The following FAF1 variants were observed in gnomAD, a reference collection of about 807,000 sequenced individuals.
FAF1 encodes the protein FAS-associated factor 1.
A neutral mutation model predicts 92.5 loss-of-function variants in FAF1; 25 were observed. The observed-to-expected ratio is 0.27, with a 90% CI of 0.20 to 0.38. The LOEUF (loss-of-function observed/expected upper bound fraction) is 0.38. Among genes scored for constraint, FAF1 ranks in the 10% least tolerant of loss-of-function variants. The probability of loss-of-function intolerance (pLI) is 1.00; values close to 1 mark genes in which losing one functional copy is unlikely to be tolerated. For synonymous variants in FAF1, 234 were observed against 273.2 expected (o/e 0.86, Z 1.42); for missense variants, 636 against 793.3 (o/e 0.80, Z 2.38).
chr1:50,676,073 C>G (rs549705043), intron 7 of FAF1, among the ~76,000 whole-genome samples: 2 of 152,304 alleles, frequency 1.3e-5, no homozygotes, highest in South Asian at 4.1e-4. Context: ...TTCCTCCAAC[C>G]AAGTCTTAAT....
At chr1:50,524,157 ATTT>A (rs1647664457) in intron 15 of FAF1, among the ~76,000 whole-genome samples, 1 of 151,726 alleles carries the variant, frequency 6.6e-6, no homozygotes, top group African/African-American at 2.4e-5. Flanking sequence ...TGATGCTGTG[ATTT>A]TTATTCATAT....
chr1:50,527,285 C>T lies in FAF1; in HGVS notation c.1494+8084G>A, dbSNP rs367774505. ...CATGTGCTATTGGCCACTTGTATAT[C>T]GTCCTTGGAGAAATATCTTTTCGAA... On this transcript the variant is annotated intron_variant, in intron 15 of 18. Transcript: ENST00000396153. 5.9e-5 allele frequency among the ~76,000 whole-genome samples: 9 copies of T among 152,196 alleles called. No individual in the cohort carries two copies. The East Asian group carries it at 7.7e-4, about 13-fold the overall frequency.
intron 5 of FAF1, among the ~76,000 whole-genome samples, chr1:50,739,339 C>T (rs889725403): frequency 6.6e-6 from 1 of 151,884 alleles, no homozygotes; most frequent in Non-Finnish European, 1.5e-5. Context: ...TGTACACGTA[C>T]ATGCATATAC....
Position 50,825,033 on chromosome 1 carries a change from C to G in FAF1, c.115-23356G>C, listed in dbSNP as rs77256302. On this transcript the variant is annotated intron_variant, in intron 2 of 18. Transcript: ENST00000396153. ...GACAGAAGCAGTAATTTCTAGTATT[C>G]AATAACACAACAGAGTGACTATAGT... Among the ~76,000 whole-genome samples, 1,224 of 152,034 alleles carry G rather than the reference C, an allele frequency of 8.1e-3. 14 individuals carry two copies. Among genetic ancestry groups the G allele is most frequent in the African/African-American group, 0.029 (1,183 of 41,480 alleles).
At chr1:50,628,410 T>C (rs942276763) in intron 8 of FAF1, among the ~76,000 whole-genome samples, 1 of 152,284 alleles carries the variant, frequency 6.6e-6, no homozygotes, top group South Asian at 2.1e-4. Flanking sequence ...TAATGTTCAG[T>C]ATAAGGAGCT....
At chr1:50,725,150 CTA>C (rs1658590969) in intron 6 of FAF1, among the ~76,000 whole-genome samples, 1 of 152,162 alleles carries the variant, frequency 6.6e-6, no homozygotes, top group African/African-American at 2.4e-5. Context: ...CTACTGATTT[CTA>C]TGTGTCTAAT....
chr1:50,907,694 T>C (rs1644851251), intron 1 of FAF1, among the ~76,000 whole-genome samples: 1 of 152,206 alleles, frequency 6.6e-6, no homozygotes, highest in Non-Finnish European at 1.5e-5. Context: ...TCTCTGATGG[T>C]AGTTTGCATT....
intron 1 of FAF1, among the ~76,000 whole-genome samples, chr1:50,931,189 G>C (rs1166859744): frequency 6.6e-6 from 1 of 152,078 alleles, no homozygotes; most frequent in African/African-American, 2.4e-5. Context: ...GTAGTTTACT[G>C]TAAGTTTACT....
chr1:50,485,925 A>G (rs1646762979), intron 17 of FAF1, among the ~76,000 whole-genome samples: 1 of 152,086 alleles, frequency 6.6e-6, no homozygotes, highest in African/African-American at 2.4e-5. Context: ...TGAGAACTCC[A>G]TCATGAGAAC....
chr1:50,760,077 T>A (rs1660260813), intron 4 of FAF1, among the ~76,000 whole-genome samples: 1 of 151,474 alleles, frequency 6.6e-6, no homozygotes, highest in Non-Finnish European at 1.5e-5. Flanking sequence ...AGTAGGTTGC[T>A]CTTTGTCAGA....
intron 15 of FAF1, among the ~76,000 whole-genome samples, chr1:50,509,295 A>G (rs1185017831): frequency 6.6e-6 from 1 of 152,194 alleles, no homozygotes; most frequent in Non-Finnish European, 1.5e-5. Flanking sequence ...GCAATGCTTA[A>G]AAAAATGTTA....
chr1:50,831,904 G>A (rs907068122), intron 2 of FAF1, among the ~76,000 whole-genome samples: 8 of 150,962 alleles, frequency 5.3e-5, no homozygotes, highest in Middle Eastern at 3.5e-3. Context: ...CCTGAGCTCC[G>A]CCTCTCGTCA....
At chr1:50,490,692 G>A in intron 16 of FAF1, 27 bp from the exon 17 acceptor site, 3 of 1,319,716 alleles carry the variant, frequency 2.3e-6, no homozygotes, top group Non-Finnish European at 3.3e-6. Context: ...AAAGGAACAA[G>A]CACTTAACAC....
intron 2 of FAF1, among the ~76,000 whole-genome samples, chr1:50,850,565 G>A (rs974420839): frequency 3.3e-5 from 5 of 151,674 alleles, no homozygotes; most frequent in African/African-American, 7.3e-5. Flanking sequence ...AAGAGATGAA[G>A]TATTTAGATG....
intron 7 of FAF1, among the ~76,000 whole-genome samples, chr1:50,694,727 C>A (rs555356713): frequency 1.9e-4 from 29 of 150,828 alleles, no homozygotes. Context: ...GGGCGGATCA[C>A]CTGAGGTCAG....
chr1:50,835,199 T>A (rs1015357978), intron 2 of FAF1, among the ~76,000 whole-genome samples: 5 of 152,156 alleles, frequency 3.3e-5, no homozygotes, highest in Admixed American at 2.0e-4. Context: ...CAGAGTGGGA[T>A]TTTAGAAAGA....
At chr1:50,528,757 C>G (rs1429569553) in intron 15 of FAF1, among the ~76,000 whole-genome samples, 1 of 152,094 alleles carries the variant, frequency 6.6e-6, no homozygotes. Context: ...TCTGCCTCCT[C>G]TTTCACCTCC....
intron 8 of FAF1, among the ~76,000 whole-genome samples, chr1:50,652,062 G>A (rs749843229): frequency 1.3e-5 from 2 of 152,120 alleles, no homozygotes; most frequent in African/African-American, 2.4e-5. Context: ...TGCCAATGCC[G>A]CAACATTTGC....
intron 18 of FAF1, among the ~76,000 whole-genome samples, chr1:50,464,124 TGCC>T (rs1304788486): frequency 1.3e-5 from 2 of 152,202 alleles, no homozygotes; most frequent in African/African-American, 4.8e-5. Context: ...ATGTACCATG[TGCC>T]ATGTCTGTGT....
Sources: gnomAD v4.1 joint callset for allele counts (sites outside exome capture counted in the v4.1 genomes callset) on GRCh38, gnomAD v4.1.1 for gene constraint, MANE v1.5 for transcripts, NCBI Gene and HGNC (gene_info 2026-07-23, HGNC 2026-07-21) for gene names.